The following EPAS1 variants were observed in gnomAD, a reference collection of about 807,000 sequenced individuals.
The protein encoded by EPAS1 is endothelial PAS domain-containing protein 1.
In EPAS1, 23 loss-of-function variants were observed where a neutral mutation model predicts 87.9. The observed-to-expected ratio is 0.26, with a 90% confidence interval of 0.19 to 0.37. The LOEUF is 0.37. Among genes scored for constraint, EPAS1 ranks in the 10% least tolerant of loss-of-function variants. The pLI is 1.00. For synonymous variants in EPAS1, 508 were observed against 444.3 expected (o/e 1.14, Z -1.80); for missense variants, 1,138 against 1,120.7 (o/e 1.02, Z -0.22).
rs1480945325 is a variant in EPAS1, at chr2:46,321,862, T to C, written c.26+23925T>C. Reference sequence around the variant, plus strand: ...TATATATAATAACTGGCATATAGGATATAGTACAGGCACCTCAGTAGACCT... The same window carrying C: ...TATATATAATAACTGGCATATAGGACATAGTACAGGCACCTCAGTAGACCT... On this transcript the variant is annotated intron_variant, in intron 1 of 15. Transcript: ENST00000263734. Among the ~76,000 whole-genome samples, 4 of 152,288 alleles carry C rather than the reference T, an allele frequency of 2.6e-5. No homozygotes were observed. The East Asian group carries it at 7.7e-4, about 29-fold the overall frequency.
rs903219660 is a variant in EPAS1 at position 46,346,201 on chromosome 2, C to T, written c.27-672C>T. Among the ~76,000 whole-genome samples, 1 of 152,186 alleles carries T rather than the reference C, an allele frequency of 6.6e-6. No individual in the cohort carries two copies. Among genetic ancestry groups the T allele is most frequent in the African/African-American group, 2.4e-5 (1 of 41,434 alleles). The stretch of plus-strand genomic sequence containing the variant: ...AAAGAGGAGAATGAGGCTGAGACAG[C>T]CTGGCAACCTATGCTGGCAGGGCTT... On this transcript the variant is annotated intron_variant, in intron 1 of 15. Transcript: ENST00000263734. The surrounding 1 kb of genome is among the most constrained non-coding windows in gnomAD (Gnocchi z 4.0).
At chr2:46,345,485 C>G (rs969594827) in intron 1 of EPAS1, among the ~76,000 whole-genome samples, 1 of 152,132 alleles carries the variant, frequency 6.6e-6, no homozygotes, top group Non-Finnish European at 1.5e-5. Context: ...TGGGGCCCAC[C>G]TTCCCAGTGC....
At position 46,380,033 on chromosome 2, in the gene EPAS1, A is replaced by G; in HGVS notation, c.1555-194A>G. ...GATAAACATGGGGGAAGGCTGGTAC[A>G]TGATACAAGGTCGTGTACATGACAC... On this transcript the variant is annotated intron_variant, in intron 11 of 15. Coordinates refer to ENST00000263734, the MANE Select transcript of EPAS1 (RefSeq NM_001430.5). This position sits in a 1 kb window ranked among gnomAD's most constrained non-coding sequence, Gnocchi z 4.4. The G allele has an allele frequency of 3.7e-6, 3 of 806,074 alleles. No individual in the cohort carries two copies. Among genetic ancestry groups the G allele is most frequent in the South Asian group, 3.0e-5 (2 of 67,248 alleles). 49.9% of individuals were successfully genotyped at this position (806,074 alleles called of 1,614,324 possible).
At chr2:46,329,868 A>G (rs1180837016) in intron 1 of EPAS1, among the ~76,000 whole-genome samples, 1 of 152,194 alleles carries the variant, frequency 6.6e-6, no homozygotes, top group Non-Finnish European at 1.5e-5. Context: ...TCTTAAAGAC[A>G]AAAACACCTC....
chr2:46,379,990 T>G (rs1249772400), intron 11 of EPAS1: 2 of 630,540 alleles, frequency 3.2e-6, no homozygotes, highest in Non-Finnish European at 5.6e-6. Context: ...CATTTCTCAA[T>G]GTGCAGGGTG....
intron 1 of EPAS1, among the ~76,000 whole-genome samples, chr2:46,334,474 C>G (rs1167240298): frequency 6.6e-6 from 1 of 152,116 alleles, no homozygotes; most frequent in East Asian, 1.9e-4. Context: ...CTGATTGCCT[C>G]CCTGTATCCT....
chr2:46,359,790 AC>A (rs1233954312), intron 4 of EPAS1, among the ~76,000 whole-genome samples: 6 of 152,178 alleles, frequency 3.9e-5, no homozygotes, highest in Non-Finnish European at 8.8e-5. Context: ...GAAAGTAGGT[AC>A]CAGAGATGGT....
chr2:46,346,793 G>T lies in EPAS1; in HGVS notation c.27-80G>T. 6.7e-7 allele frequency: 1 copy of T among 1,484,392 alleles called. No individual in the cohort carries two copies. The highest frequency in any genetic ancestry group is 2.4e-5 in the East Asian group (1 of 42,542). 92.0% of individuals were successfully genotyped at this position (1,484,392 alleles called of 1,614,324 possible). A position where few individuals can be genotyped will look rare whatever the true frequency, so the allele number is the denominator to read the frequency against. On this transcript the variant is annotated intron_variant, in intron 1 of 15. Transcript: ENST00000263734. The surrounding 1 kb of genome is among the most constrained non-coding windows in gnomAD (Gnocchi z 4.0). ...GGGAGTGTGGCTGCACTGGGGGTTG[G>T]GGCCATGGGGATGTCCTGGCCAGAG...
intron 1 of EPAS1, among the ~76,000 whole-genome samples, chr2:46,338,545 G>A (rs1683845236): frequency 2.0e-5 from 3 of 152,188 alleles, no homozygotes; most frequent in Non-Finnish European, 4.4e-5. Flanking sequence ...CATCCCTGCA[G>A]TGGATAAGAT....
At chr2:46,349,755 G>T (rs2881324) in intron 2 of EPAS1, among the ~76,000 whole-genome samples, 84,772 of 152,136 alleles carry the variant, frequency 0.56, 24,662 homozygotes, top group East Asian at 0.87. Context: ...CCACACATTC[G>T]CTAGACTGAT....
intron 2 of EPAS1, among the ~76,000 whole-genome samples, chr2:46,354,352 G>A (rs532945915): frequency 1.3e-5 from 2 of 152,224 alleles, no homozygotes; most frequent in African/African-American, 4.8e-5. Flanking sequence ...TGTAAATCAA[G>A]TGAGGCATAT....
In EPAS1 at chr2:46,380,192, C is replaced by T. The variant is rs369070885; in HGVS notation, c.1555-35C>T. 3.1e-6 allele frequency: 5 copies of T among 1,603,148 alleles called. No homozygotes were observed. Among genetic ancestry groups the T allele is most frequent in the Non-Finnish European group, 2.5e-6 (3 of 1,179,938 alleles). On this transcript the variant is annotated intron_variant, in intron 11 of 15. Transcript: ENST00000263734. This position sits in a 1 kb window ranked among gnomAD's most constrained non-coding sequence, Gnocchi z 4.4. Reference sequence around the variant, plus strand: ...ATAGTGTTTGTGAGGTCGTACCAACCCCCTTGCCTCTTTGCCGGTGCTGTC... The same window carrying T: ...ATAGTGTTTGTGAGGTCGTACCAACTCCCTTGCCTCTTTGCCGGTGCTGTC...
intron 1 of EPAS1, among the ~76,000 whole-genome samples, chr2:46,304,323 G>A (rs956419063): frequency 9.9e-5 from 15 of 152,250 alleles, no homozygotes; most frequent in Middle Eastern, 3.4e-3. Flanking sequence ...GCCCAAGGTC[G>A]TATAGGTAGC....
chr2:46,343,552 G>A (rs903880179), intron 1 of EPAS1, among the ~76,000 whole-genome samples: 2 of 152,208 alleles, frequency 1.3e-5, no homozygotes, highest in South Asian at 4.1e-4. Context: ...ATTAAATGGA[G>A]ATGATAGTTT....
intron 6 of EPAS1, among the ~76,000 whole-genome samples, chr2:46,367,621 C>G (rs367699757): frequency 4.8e-4 from 73 of 152,310 alleles, no homozygotes; most frequent in African/African-American, 1.7e-3. Context: ...GTTCAGAGAC[C>G]TCTCTGCTCA....
chr2:46,330,171 TCAAA>T (rs751837216), intron 1 of EPAS1, among the ~76,000 whole-genome samples: 5 of 152,208 alleles, frequency 3.3e-5, no homozygotes, highest in Admixed American at 6.5e-5. Flanking sequence ...CATGACAGAA[TCAAA>T]CAAGCTCTGT....
At chr2:46,361,121 C>T (rs755226813) in intron 6 of EPAS1, 31 bp downstream of exon 6, 3 of 1,607,926 alleles carry the variant, frequency 1.9e-6, no homozygotes, top group Non-Finnish European at 2.6e-6. Context: ...ATGCTGTGGG[C>T]AGAGATGGGT....
At chr2:46,309,253 T>C (rs536235530) in intron 1 of EPAS1, among the ~76,000 whole-genome samples, 1 of 152,360 alleles carries the variant, frequency 6.6e-6, no homozygotes, top group South Asian at 2.1e-4. Context: ...TGTGTGTAGA[T>C]GTTTATAGGT....
chr2:46,346,787 G>C lies in EPAS1; in HGVS notation c.27-86G>C, dbSNP rs1194058178. ...TAGTAAGGGAGTGTGGCTGCACTGG[G>C]GGTTGGGGCCATGGGGATGTCCTGG... On this transcript the variant is annotated intron_variant, in intron 1 of 15. Transcript: ENST00000263734. This position sits in a 1 kb window ranked among gnomAD's most constrained non-coding sequence, Gnocchi z 4.0. 4.9e-6 allele frequency: 7 copies of C among 1,434,062 alleles called. No individual in the cohort carries two copies. Among genetic ancestry groups the C allele is most frequent in the Non-Finnish European group, 6.8e-6 (7 of 1,033,332 alleles). The allele number at this position is 1,434,062 out of a possible 1,614,324, so 88.8% of individuals were successfully genotyped here.
Sources: allele counts gnomAD v4.1 joint callset (sites outside exome capture counted in the v4.1 genomes callset), GRCh38; gene constraint gnomAD v4.1.1; non-coding constraint Gnocchi (gnomAD v3.1); transcripts MANE v1.5; gene names NCBI Gene and HGNC (gene_info 2026-07-23, HGNC 2026-07-21).